Variants in FGD6 observed in about 807,000 individuals in gnomAD.
FGD6 encodes FYVE, RhoGEF and PH domain containing 6.
In FGD6, 90 loss-of-function variants were observed where a neutral mutation model predicts 149.4. The ratio of observed to expected loss-of-function variants is 0.60; its 90% CI spans 0.51 to 0.72. The LOEUF (loss-of-function observed/expected upper bound fraction) is 0.72, where lower values mean the gene tolerates loss of function less well. Among genes scored for constraint, FGD6 ranks in the 30% least tolerant of loss-of-function variants. The probability of loss-of-function intolerance (pLI) is 0.00; values close to 1 mark genes in which losing one functional copy is unlikely to be tolerated. For missense variants in FGD6, 1,437 were observed against 1,684.8 expected (o/e 0.85, Z 2.57); for synonymous variants, 527 against 584.0 (o/e 0.90, Z 1.41).
chr12:95,187,648 T>TCC lies in FGD6; in HGVS notation c.2442-14906_2442-14905dup, dbSNP rs200476464. Among the ~76,000 whole-genome samples, 255 of 126,480 alleles carry TCC rather than the reference T, an allele frequency of 2.0e-3. 2 individuals carry two copies. Among genetic ancestry groups the TCC allele is most frequent in the Middle Eastern group, 0.014 (3 of 214 alleles). The allele number at this position is 126,480 out of a possible 152,430, so 83.0% of individuals were successfully genotyped here. ...GCCTGGGTGACTGAGCGAGGCTGCG[T>TCC]CCCCAAAAAAAAAACAAAAAAAAAA... On this transcript the variant is annotated intron_variant, in intron 2 of 20. Coordinates refer to ENST00000343958, the MANE Select transcript of FGD6 (RefSeq NM_018351.4).
At chr12:95,184,643 G>A (rs1344482848) in intron 2 of FGD6, among the ~76,000 whole-genome samples, 4 of 150,686 alleles carry the variant, frequency 2.7e-5, no homozygotes, top group Non-Finnish European at 5.9e-5. Context: ...GCAGTGGTGC[G>A]CGATCTTGGC....
chr12:95,145,655 T>A (rs1401499913), intron 5 of FGD6, among the ~76,000 whole-genome samples: 1 of 152,084 alleles, frequency 6.6e-6, no homozygotes, highest in Non-Finnish European at 1.5e-5. Context: ...TACTGCAAAA[T>A]CCCATTGCAG....
Position 95,134,588 on chromosome 12 carries a change from AAAGT to A in FGD6, c.3082+147_3082+150del. On this transcript the variant is annotated intron_variant, in intron 8 of 20. Coordinates refer to ENST00000343958, the MANE Select transcript of FGD6 (RefSeq NM_018351.4). Reference sequence around the variant, plus strand: ...CGTTCAGTTCAGGCAACGTATATGTAAAGTATATAAGCAATCTACAAATCCACGT... The same window carrying A: ...CGTTCAGTTCAGGCAACGTATATGTAATATAAGCAATCTACAAATCCACGT... The A allele has an allele frequency of 4.2e-6, 3 of 710,914 alleles. No individual in the cohort carries two copies. The South Asian group carries it at 4.6e-5, about 11-fold the overall frequency. The allele number at this position is 710,914 out of a possible 1,614,324, so 44.0% of individuals were successfully genotyped here. A position where few individuals can be genotyped will look rare whatever the true frequency, so the allele number is the denominator to read the frequency against.
rs1319971560 is a variant in FGD6, at chr12:95,152,959, T to C, written c.2621A>G (p.His874Arg). 1 of 1,614,094 alleles carries C rather than the reference T, an allele frequency of 6.2e-7. No individual in the cohort carries two copies. Among genetic ancestry groups the C allele is most frequent in the East Asian group, 2.2e-5 (1 of 44,854 alleles). The change falls in exon 4 of 21, where the codon CAT (histidine) becomes CGT (arginine). Residue 874 changes from histidine (H) to arginine (R), a missense_variant. Physicochemically the swap from His to Arg is conservative, Grantham distance 29 (BLOSUM62 0). Around this residue, in one of 2 missense-constraint regions of FGD6, gnomAD observed 1,055 missense variants for 1,146.0 expected, o/e 0.92. Coordinates refer to ENST00000343958, the MANE Select transcript of FGD6 (RefSeq NM_018351.4). ...EDNGMKSKVHHIAKEIMSSEK... is the reference protein window; with the variant it reads ...EDNGMKSKVHRIAKEIMSSEK... Reference sequence around the variant, plus strand: ...TGAGCTCATGATCTCCTTGGCAATATGATGAACTTTACTTTTCATTCCATT... The same window carrying C: ...TGAGCTCATGATCTCCTTGGCAATACGATGAACTTTACTTTTCATTCCATT...
intron 2 of FGD6, among the ~76,000 whole-genome samples, chr12:95,188,002 T>C (rs558780872): frequency 6.6e-6 from 1 of 152,344 alleles, no homozygotes; most frequent in African/African-American, 2.4e-5. Flanking sequence ...AAGTATGTTT[T>C]GAAAAGCTGG....
At chr12:95,105,370 T>C (rs181470673) in intron 13 of FGD6, among the ~76,000 whole-genome samples, 1 of 152,282 alleles carries the variant, frequency 6.6e-6, no homozygotes, top group Non-Finnish European at 1.5e-5. Flanking sequence ...TACTTTAAGG[T>C]CCACTGGCTC....
rs1881428152 is a variant in FGD6, at chr12:95,186,225, C to CTTT, written c.2442-13482_2442-13481insAAA. 1.7e-3 allele frequency among the ~76,000 whole-genome samples: 120 copies of CTTT among 71,186 alleles called. 51 individuals are homozygous for CTTT. The highest frequency in any genetic ancestry group is 0.017 in the Middle Eastern group (2 of 118). The allele number at this position is 71,186 out of a possible 152,430, so 46.7% of individuals were successfully genotyped here. A position where few individuals can be genotyped will look rare whatever the true frequency, so the allele number is the denominator to read the frequency against. On this transcript the variant is annotated intron_variant, in intron 2 of 20. Coordinates refer to ENST00000343958, the MANE Select transcript of FGD6 (RefSeq NM_018351.4). The stretch of plus-strand genomic sequence containing the variant: ...AGCTAAGAATGCTTCTTATATTCTT[C>CTTT]TTCTTTTTTTTTTTTTTTTTTTTTT...
intron 3 of FGD6, among the ~76,000 whole-genome samples, chr12:95,170,634 C>T (rs1880965125): frequency 6.6e-6 from 1 of 152,174 alleles, no homozygotes; most frequent in Non-Finnish European, 1.5e-5. Flanking sequence ...AAGAGCGAAA[C>T]TCCTTCTCAA....
intron 2 of FGD6, among the ~76,000 whole-genome samples, chr12:95,184,301 T>C (rs1881365004): frequency 6.6e-6 from 1 of 152,204 alleles, no homozygotes; most frequent in Non-Finnish European, 1.5e-5. Flanking sequence ...GATCAAAGGC[T>C]TCTTGGGAGC....
intron 3 of FGD6, among the ~76,000 whole-genome samples, chr12:95,161,611 A>C (rs527334744): frequency 6.6e-6 from 1 of 152,284 alleles, no homozygotes; most frequent in South Asian, 2.1e-4. Flanking sequence ...ACTTACATTA[A>C]GTTTGCTCAT....
chr12:95,128,944 A>G (rs1252735538), intron 8 of FGD6, among the ~76,000 whole-genome samples: 2 of 152,236 alleles, frequency 1.3e-5, no homozygotes, highest in Non-Finnish European at 2.9e-5. Context: ...TATACTATGA[A>G]TAAGTGGGTT....
intron 20 of FGD6, 125 bp from the exon 21 acceptor site, chr12:95,081,681 A>T: frequency 1.3e-5 from 4 of 307,564 alleles, no homozygotes; most frequent in Non-Finnish European, 2.2e-5. Context: ...ATATATATAT[A>T]TGTATTTTTT....
At chr12:95,119,792 C>T (rs1592840385) in intron 8 of FGD6, among the ~76,000 whole-genome samples, 2 of 152,160 alleles carry the variant, frequency 1.3e-5, no homozygotes, top group South Asian at 2.1e-4. Flanking sequence ...TAGTGGCACA[C>T]GCCTATAATC....
chr12:95,124,194 G>C (rs1253513013), intron 8 of FGD6, among the ~76,000 whole-genome samples: 1 of 152,034 alleles, frequency 6.6e-6, no homozygotes, highest in Non-Finnish European at 1.5e-5. Context: ...TTACAGGCGT[G>C]AGCCACCGTA....
At chr12:95,093,290 G>A (rs919728014) in intron 15 of FGD6, among the ~76,000 whole-genome samples, 2 of 152,190 alleles carry the variant, frequency 1.3e-5, no homozygotes, top group Non-Finnish European at 2.9e-5. Context: ...GCTCACGCCT[G>A]TAGTCCCAGC....
intron 9 of FGD6, among the ~76,000 whole-genome samples, chr12:95,111,832 A>C (rs1878833205): frequency 6.6e-6 from 1 of 152,224 alleles, no homozygotes; most frequent in Non-Finnish European, 1.5e-5. Flanking sequence ...TAATGTACAC[A>C]AACAGAAGAT....
At chr12:95,201,226 T>G (rs1334851363) in intron 2 of FGD6, among the ~76,000 whole-genome samples, 2 of 152,154 alleles carry the variant, frequency 1.3e-5, no homozygotes, top group Non-Finnish European at 2.9e-5. Context: ...GATCTGGAAT[T>G]CCCCTGAACC....
chr12:95,130,724 TA>T (rs199932212), intron 8 of FGD6, among the ~76,000 whole-genome samples: 6 of 147,528 alleles, frequency 4.1e-5, no homozygotes, highest in East Asian at 2.0e-4. Context: ...ACATAAAATT[TA>T]AAAAAAAAAA....
rs541826363 is a variant in FGD6, at chr12:95,134,701, A to G, written c.3082+38T>C. On this transcript the variant is annotated intron_variant, in intron 8 of 20. Transcript: ENST00000343958. Reference sequence around the variant, plus strand: ...GCAAGAAGAGTTGGCTGATGGATAAACCAACTGGGTGGTTGGCAAAATGCT... The same window carrying G: ...GCAAGAAGAGTTGGCTGATGGATAAGCCAACTGGGTGGTTGGCAAAATGCT... 11 of 1,587,942 alleles carry G rather than the reference A, an allele frequency of 6.9e-6. 1 individual carries two copies. In the Admixed American group the frequency reaches 1.9e-4, roughly 27 times the overall value.
Sources: allele counts gnomAD v4.1 joint callset (sites outside exome capture counted in the v4.1 genomes callset), GRCh38; gene constraint gnomAD v4.1.1; regional missense constraint gnomAD v4.1.1; transcripts MANE v1.5; gene names NCBI Gene and HGNC (gene_info 2026-07-23, HGNC 2026-07-21).